The following LARGE1 variants were observed in gnomAD, a reference collection of about 807,000 sequenced individuals.
The protein encoded by LARGE1 is xylosyl- and glucuronyltransferase LARGE1.
LARGE1 carries 43 observed loss-of-function variants against 87.6 expected under a neutral mutation model. The observed-to-expected ratio is 0.49, with a 90% CI of 0.38 to 0.63. LARGE1 has a LOEUF of 0.63. Ranked by LOEUF, LARGE1 falls within the 30% of genes least tolerant of loss-of-function variation. The probability of loss-of-function intolerance (pLI) is 0.00; values close to 1 mark genes in which losing one functional copy is unlikely to be tolerated. For missense variants in LARGE1, 802 were observed against 1,000.2 expected, an observed-to-expected ratio of 0.80 and a Z score of 2.67; for synonymous variants, 434 against 394.6, an observed-to-expected ratio of 1.10 and a Z score of -1.18.
chr22:33,498,775 C>T (rs7291013), intron 6 of LARGE1, among the ~76,000 whole-genome samples: 49,010 of 151,846 alleles, frequency 0.32, 8,749 homozygotes, highest in African/African-American at 0.47. Context: ...ATCGAGACCA[C>T]CCTGGCTAAC....
At chr22:33,098,215 G>C in the LARGE1 span, among the ~76,000 whole-genome samples, 1 of 152,132 alleles carries the variant, frequency 6.6e-6, no homozygotes, top group African/African-American at 2.4e-5. Flanking sequence ...GGCTGAGGTG[G>C]GAGGATCACT....
chr22:33,098,342 G>A, the LARGE1 span, among the ~76,000 whole-genome samples: 18 of 152,110 alleles, frequency 1.2e-4, no homozygotes, highest in East Asian at 3.9e-4. Context: ...AAAATAGGCC[G>A]GGCGCAGTGG....
At chr22:33,264,997 T>C (rs1927852954) in intron 11 of LARGE1, among the ~76,000 whole-genome samples, 1 of 145,144 alleles carries the variant, frequency 6.9e-6, no homozygotes, top group African/African-American at 2.5e-5. Flanking sequence ...GCTTCCCAGG[T>C]TCAAGTGATT....
At chr22:33,706,523 G>GT (rs774051741) in intron 2 of LARGE1, among the ~76,000 whole-genome samples, 1 of 152,198 alleles carries the variant, frequency 6.6e-6, no homozygotes, top group Non-Finnish European at 1.5e-5. Context: ...GTTACCTGGG[G>GT]TAAGTCAGTC....
chr22:33,433,749 A>C (rs545297130), intron 6 of LARGE1, among the ~76,000 whole-genome samples: 2 of 152,270 alleles, frequency 1.3e-5, no homozygotes, highest in South Asian at 4.2e-4. Context: ...CTGTTGGCCA[A>C]TTTGAGAAAT....
At chr22:33,775,945 G>A (rs758016509) in intron 1 of LARGE1, among the ~76,000 whole-genome samples, 14 of 151,754 alleles carry the variant, frequency 9.2e-5, no homozygotes, top group Non-Finnish European at 1.8e-4. Flanking sequence ...ACAAGGCACA[G>A]GACAGTCCCA....
intron 11 of LARGE1, among the ~76,000 whole-genome samples, chr22:33,224,043 C>T (rs746008387): frequency 4.6e-5 from 7 of 152,136 alleles, no homozygotes; most frequent in Non-Finnish European, 7.3e-5. Flanking sequence ...CTTGTAATCC[C>T]AGAACTTTGG....
intron 3 of LARGE1, among the ~76,000 whole-genome samples, chr22:33,646,880 A>C (rs1293058014): frequency 6.6e-6 from 1 of 152,074 alleles, no homozygotes; most frequent in Non-Finnish European, 1.5e-5. Context: ...GGCACCCTCC[A>C]CCACGCCCAG....
chr22:33,092,298 T>C, the LARGE1 span, among the ~76,000 whole-genome samples: 1 of 152,070 alleles, frequency 6.6e-6, no homozygotes, highest in Admixed American at 6.5e-5. Context: ...GAAGAGAAAT[T>C]TCATTGGCTG....
At position 33,310,100 on chromosome 22, in the gene LARGE1, C is replaced by T. The variant is rs117495167; in HGVS notation, c.1452-5593G>A. 5.4e-3 allele frequency among the ~76,000 whole-genome samples: 819 copies of T among 152,254 alleles called. 9 individuals carry two copies. The highest frequency in any genetic ancestry group is 0.048 in the East Asian group (249 of 5,168). ...AAGACCCCTATTTCCAGGCACCACC[C>T]GAGATTCTGGTTCAGGAGGTCTGGG... On this transcript the variant is annotated intron_variant, in intron 11 of 14. Coordinates refer to ENST00000397394, the MANE Select transcript of LARGE1 (RefSeq NM_133642.5).
chr22:33,406,632 AT>A (rs1255552575), intron 7 of LARGE1, among the ~76,000 whole-genome samples: 1 of 151,982 alleles, frequency 6.6e-6, no homozygotes, highest in African/African-American at 2.4e-5. Context: ...CATTATCCGC[AT>A]TTTCAGGTGT....
At chr22:33,262,334 A>G (rs1390671763) in intron 11 of LARGE1, among the ~76,000 whole-genome samples, 3 of 152,196 alleles carry the variant, frequency 2.0e-5, no homozygotes, top group Non-Finnish European at 4.4e-5. Flanking sequence ...CTGGGAGTAC[A>G]CGGAACAGTT....
chr22:33,398,109 C>G (rs959382058), intron 7 of LARGE1, among the ~76,000 whole-genome samples: 1 of 151,948 alleles, frequency 6.6e-6, no homozygotes, highest in African/African-American at 2.4e-5. Context: ...CTTTGTGTGT[C>G]CAGCTATGCA....
chr22:33,233,575 G>A (rs974707985), intron 11 of LARGE1, among the ~76,000 whole-genome samples: 2 of 152,092 alleles, frequency 1.3e-5, no homozygotes, highest in African/African-American at 2.4e-5. Context: ...AAGTTTCCTG[G>A]GATAGAGGTA....
chr22:33,761,367 T>C lies in LARGE1; in HGVS notation c.106+4A>G. ...TTCCCTCTCACTTTGGCTTCCATTC[T>C]TACCTTCGAAGCTCCCAGAAAACAG... On this transcript the variant is annotated splice_donor_region_variant and intron_variant, in intron 2 of 14. Coordinates refer to ENST00000397394, the MANE Select transcript of LARGE1 (RefSeq NM_133642.5). 6.2e-7 allele frequency: 1 copy of C among 1,611,586 alleles called. No homozygotes were observed. Among genetic ancestry groups the C allele is most frequent in the Non-Finnish European group, 8.5e-7 (1 of 1,177,724 alleles).
intron 11 of LARGE1, among the ~76,000 whole-genome samples, chr22:33,182,004 G>A (rs1923197457): frequency 6.6e-6 from 1 of 151,948 alleles, no homozygotes; most frequent in South Asian, 2.1e-4. Context: ...TGTATTTTTA[G>A]TAGGGATGGG....
chr22:33,144,750 A>C, the LARGE1 span, among the ~76,000 whole-genome samples: 1 of 152,184 alleles, frequency 6.6e-6, no homozygotes, highest in Non-Finnish European at 1.5e-5. Context: ...TATTCATCAT[A>C]CATCTTTTAT....
At chr22:33,868,470 G>A (rs1240641205) in intron 1 of LARGE1, among the ~76,000 whole-genome samples, 2 of 152,058 alleles carry the variant, frequency 1.3e-5, no homozygotes, top group African/African-American at 2.4e-5. Context: ...GGGAGGACAG[G>A]GCTGAAATGA....
intron 6 of LARGE1, among the ~76,000 whole-genome samples, chr22:33,441,897 C>T (rs112261367): frequency 8.0e-4 from 122 of 152,274 alleles, no homozygotes; most frequent in African/African-American, 2.4e-3. Flanking sequence ...CTATGTACTC[C>T]AATTCATTGC....
Sources: gnomAD v4.1 joint callset for allele counts (sites outside exome capture counted in the v4.1 genomes callset) on GRCh38, gnomAD v4.1.1 for gene constraint, MANE v1.5 for transcripts, NCBI Gene and HGNC (gene_info 2026-07-23, HGNC 2026-07-21) for gene names.